CHRNE: variants seen among roughly 807,000 people sequenced by gnomAD.
CHRNE encodes the protein cholinergic receptor nicotinic epsilon subunit.
A neutral mutation model predicts 56.5 loss-of-function variants in CHRNE; 58 were observed. The observed-to-expected ratio is 1.03, with a 90% CI of 0.83 to 1.28. The LOEUF (loss-of-function observed/expected upper bound fraction) is 1.28, where lower values mean the gene tolerates loss of function less well. Among genes scored for constraint, CHRNE ranks in the 50% most tolerant of loss-of-function variants. CHRNE has a pLI of 0.00. For synonymous variants in CHRNE, 385 were observed against 297.9 expected, an observed-to-expected ratio of 1.29 and a Z score of -3.01; for missense variants, 793 against 688.9, an observed-to-expected ratio of 1.15 and a Z score of -1.69.
upstream of CHRNE, among the ~76,000 whole-genome samples, chr17:4,907,095 A>C (rs1389705477): frequency 6.6e-6 from 1 of 151,880 alleles, no homozygotes; most frequent in Admixed American, 6.6e-5. Flanking sequence ...TAATGGGTAC[A>C]AAAAAAATAG....
chr17:4,901,833 G>C, intron 5 of CHRNE, 99 bp downstream of exon 5: 1 of 1,547,874 alleles, frequency 6.5e-7, no homozygotes, highest in Non-Finnish European at 8.9e-7. Context: ...CGCCTCCAGC[G>C]CGAAGCCCCG....
chr17:4,898,968 CCTCGCTCCACCCGCCTCTGG>C lies in CHRNE; in HGVS notation c.1326+13_1326+32del, dbSNP rs780277856. 1.6e-5 allele frequency: 21 copies of C among 1,273,416 alleles called. No individual in the cohort carries two copies. The highest frequency in any genetic ancestry group is 2.0e-5 in the Non-Finnish European group (20 of 996,310). 78.9% of individuals were successfully genotyped at this position (1,273,416 alleles called of 1,614,324 possible). A position where few individuals can be genotyped will look rare whatever the true frequency, so the allele number is the denominator to read the frequency against. ...CATGGGAGACAGTGGTGGGCCTCTG[CCTCGCTCCACCCGCCTCTGG>C]CTCCTGTCCCACCTCGCCGGTGGCC... is the stretch of plus-strand genomic sequence containing the variant. On this transcript the variant is annotated intron_variant, in intron 11 of 11. Transcript: ENST00000649488.
chr17:4,907,284 C>A (rs187784041), upstream of CHRNE, among the ~76,000 whole-genome samples: 29 of 152,158 alleles, frequency 1.9e-4, no homozygotes, highest in African/African-American at 6.5e-4. Context: ...ACACTCCGGG[C>A]CGGGCGCGGG....
chr17:4,901,462 G>C (rs2151097667), intron 6 of CHRNE, 63 bp downstream of exon 6: 1 of 1,492,776 alleles, frequency 6.7e-7, no homozygotes. Flanking sequence ...CAAGCCCACC[G>C]TGGAAGTCCC....
chr17:4,901,006 G>A lies in CHRNE; in HGVS notation c.786C>T (p.Tyr262=), dbSNP rs2151097217. The change falls in exon 7 of 12, where the codon TAC becomes TAT. Residue 262 remains tyrosine, a synonymous_variant. Coordinates refer to ENST00000649488, the MANE Select transcript of CHRNE (RefSeq NM_000080.4). ...ACTGCTTACCCTGCGCCGGCAGGAA[G>A]TAGGCGAGCAGCACCAGGCCCGAGA... ...VLISGLVLLA[Y]FLPAQAGGQK... 1.2e-6 allele frequency: 2 copies of A among 1,614,002 alleles called. No homozygotes were observed. The highest frequency in any genetic ancestry group is 1.7e-6 in the Non-Finnish European group (2 of 1,179,900).
At chr17:4,906,009 C>T (rs888007983), upstream of CHRNE, among the ~76,000 whole-genome samples, 1 of 152,248 alleles carries the variant, frequency 6.6e-6, no homozygotes, top group African/African-American at 2.4e-5. Flanking sequence ...GCTCCTCTCA[C>T]TTCGTCAGCA....
chr17:4,900,189 G>A, intron 8 of CHRNE: 1 of 1,543,900 alleles, frequency 6.5e-7, no homozygotes, highest in Non-Finnish European at 8.7e-7. Context: ...TCGGGTAGCG[G>A]GAACAAGGAC....
chr17:4,899,150 C>T (rs780782017), intron 10 of CHRNE, 43 bp from the exon 11 acceptor site: 2 of 1,596,314 alleles, frequency 1.3e-6, no homozygotes, highest in South Asian at 1.1e-5. Context: ...AGCCTCCCCC[C>T]TGGCAGGCAC....
At chr17:4,901,362 A>T (rs1969979228) in intron 6 of CHRNE, 163 bp downstream of exon 6, 1 of 933,472 alleles carries the variant, frequency 1.1e-6, no homozygotes, top group African/African-American at 1.6e-5. Context: ...GCCAGAAGGC[A>T]GGACTAGAGT....
chr17:4,907,139 G>T (rs557900214), upstream of CHRNE, among the ~76,000 whole-genome samples: 1 of 152,106 alleles, frequency 6.6e-6, no homozygotes, highest in East Asian at 1.9e-4. Flanking sequence ...ACAACAGAGT[G>T]ACTGTAGTCA....
chr17:4,900,733 GT>G, intron 8 of CHRNE, 59 bp downstream of exon 8: 1 of 1,544,282 alleles, frequency 6.5e-7, no homozygotes, highest in Non-Finnish European at 8.8e-7. Context: ...GGGTCTCTGG[GT>G]TTTGGCCACG....
Position 4,900,302 on chromosome 17 carries a change from C to T in CHRNE, c.917+491G>A, listed in dbSNP as rs141527391. The T allele has an allele frequency of 3.0e-4, 471 of 1,545,256 alleles. 1 individual carries two copies. The African/African-American group carries it at 5.8e-3, about 19-fold the overall frequency. Reference sequence around the variant, plus strand: ...ACGGCAGCGCGGGCCCAGCCCCAGACGGCAGGGATCCGGGTGCAGCGCTGA... The same window carrying T: ...ACGGCAGCGCGGGCCCAGCCCCAGATGGCAGGGATCCGGGTGCAGCGCTGA... On this transcript the variant is annotated intron_variant, in intron 8 of 11. Transcript: ENST00000649488.
At chr17:4,899,678 G>A (rs1276091731) in intron 8 of CHRNE, 96 bp from the exon 9 acceptor site, 24 of 1,443,210 alleles carry the variant, frequency 1.7e-5, no homozygotes, top group Non-Finnish European at 2.3e-5. Context: ...CCTGGTACGG[G>A]CTGGTTACGC....
chr17:4,900,139 G>A, intron 8 of CHRNE: 1 of 1,550,158 alleles, frequency 6.5e-7, no homozygotes, highest in Non-Finnish European at 8.7e-7. Context: ...GCACCACCTT[G>A]TTAGAGGTGG....
In CHRNE at chr17:4,902,653, G is replaced by A. The variant is rs751027608; in HGVS notation, c.157C>T (p.Leu53Phe). Residue 53 changes from leucine to phenylalanine, a missense_variant, in exon 2 of 12, where the codon CTC (leucine) becomes TTC (phenylalanine). Physicochemically the swap from Leu to Phe is conservative, Grantham distance 22 (BLOSUM62 0). Coordinates refer to ENST00000649488, the MANE Select transcript of CHRNE (RefSeq NM_000080.4). This position sits in a 1 kb window ranked among gnomAD's most constrained non-coding sequence, Gnocchi z 4.0. Reference sequence around the variant, plus strand: ...ATGAGATTCGTCAGGGTGACCTTGAGGCTGATGGTGACAGTATCCTCAGGC... The same window carrying A: ...ATGAGATTCGTCAGGGTGACCTTGAAGCTGATGGTGACAGTATCCTCAGGC... ...REPEDTVTISLKVTLTNLISL... is the reference protein window; with the variant it reads ...REPEDTVTISFKVTLTNLISL... 2.5e-6 allele frequency: 4 copies of A among 1,614,064 alleles called. No homozygotes were observed. Among genetic ancestry groups the A allele is most frequent in the Non-Finnish European group, 2.5e-6 (3 of 1,179,994 alleles).
rs33970119 is a variant in CHRNE, at chr17:4,901,607, G to A, written c.519C>T (p.Ala173=). Residue 173 remains alanine, a synonymous_variant, in exon 6 of 12, where the codon GCC becomes GCT. Coordinates refer to ENST00000649488, the MANE Select transcript of CHRNE (RefSeq NM_000080.4). ...CGGCAAAAGTGAACTCCACCTCTTC[G>A]GCATTGTACGTCTGAGAGCTGCGGA... The part of the protein sequence containing the change: ...SLIFRSQTYN[A]EEVEFTFAVD... The A allele has an allele frequency of 0.052, 83,513 of 1,613,756 alleles. 2,544 individuals carry two copies. Among genetic ancestry groups the A allele is most frequent in the Non-Finnish European group, 0.062 (73,413 of 1,179,694 alleles).
At chr17:4,907,315 G>A (rs774552933), upstream of CHRNE, among the ~76,000 whole-genome samples, 32 of 152,196 alleles carry the variant, frequency 2.1e-4, no homozygotes, top group Non-Finnish European at 3.5e-4. Context: ...TGTAATCCCT[G>A]CACTTCGGGA....
At chr17:4,906,795 A>G (rs1970097731), upstream of CHRNE, among the ~76,000 whole-genome samples, 1 of 152,220 alleles carries the variant, frequency 6.6e-6, no homozygotes, top group South Asian at 2.1e-4. Context: ...AAAAAAGAAA[A>G]AAGAAAAACA....
In CHRNE at chr17:4,900,773, C is replaced by A; in HGVS notation, c.917+20G>T. The A allele has an allele frequency of 6.2e-7, 1 of 1,607,600 alleles. No homozygotes were observed. The highest frequency in any genetic ancestry group is 2.2e-5 in the East Asian group (1 of 44,568). ...CCACCCTTCACACTGGCCACACCCC[C>A]GCGGGGGCTCCGGCTTCACCTGCCC... On this transcript the variant is annotated intron_variant, in intron 8 of 11. Coordinates refer to ENST00000649488, the MANE Select transcript of CHRNE (RefSeq NM_000080.4).
Sources: allele counts gnomAD v4.1 joint callset (sites outside exome capture counted in the v4.1 genomes callset), GRCh38; gene constraint gnomAD v4.1.1; non-coding constraint Gnocchi (gnomAD v3.1); transcripts MANE v1.5; gene names NCBI Gene and HGNC (gene_info 2026-07-23, HGNC 2026-07-21).